The following MTMR12 variants were observed in gnomAD, a reference collection of about 807,000 sequenced individuals.
The protein encoded by MTMR12 is myotubularin related protein 12.
In MTMR12, 33 loss-of-function variants were observed where a neutral mutation model predicts 96.7. The observed-to-expected ratio is 0.34, with a 90% CI of 0.26 to 0.46. The LOEUF (loss-of-function observed/expected upper bound fraction) is 0.46, where lower values mean the gene tolerates loss of function less well. MTMR12 is among the 20% of genes least tolerant of loss of function. MTMR12 has a pLI of 1.00. For synonymous variants in MTMR12, 298 were observed against 327.2 expected, an observed-to-expected ratio of 0.91 and a Z score of 0.96; for missense variants, 721 against 896.1, an observed-to-expected ratio of 0.80 and a Z score of 2.49.
chr5:32,280,595 A>G (rs1473841107), intron 1 of MTMR12, among the ~76,000 whole-genome samples: 1 of 152,196 alleles, frequency 6.6e-6, no homozygotes, highest in African/African-American at 2.4e-5. Flanking sequence ...TATTTTTTAT[A>G]CAGCATAGTA....
At chr5:32,303,987 C>A (rs1277915589) in intron 1 of MTMR12, among the ~76,000 whole-genome samples, 1 of 151,936 alleles carries the variant, frequency 6.6e-6, no homozygotes, top group Non-Finnish European at 1.5e-5. Context: ...TATCTTCACA[C>A]ATGACAACCA....
intron 5 of MTMR12, 144 bp downstream of exon 5, chr5:32,270,673 A>C (rs1275212586): frequency 2.3e-5 from 20 of 873,726 alleles, no homozygotes; most frequent in Non-Finnish European, 3.5e-5. Flanking sequence ...TTCACGTTCT[A>C]ATCAAAGAAT....
chr5:32,299,781 C>A (rs539214182), intron 1 of MTMR12, among the ~76,000 whole-genome samples: 42 of 152,328 alleles, frequency 2.8e-4, no homozygotes, highest in African/African-American at 8.9e-4. Flanking sequence ...TCTCTCTCAC[C>A]ATCACACATG....
intron 5 of MTMR12, among the ~76,000 whole-genome samples, chr5:32,269,463 C>A (rs554636006): frequency 3.3e-5 from 5 of 151,956 alleles, no homozygotes; most frequent in Non-Finnish European, 4.4e-5. Flanking sequence ...GCCACCACGC[C>A]CGGCTAATTT....
intron 1 of MTMR12, among the ~76,000 whole-genome samples, chr5:32,293,729 C>T (rs2112136818): frequency 6.6e-6 from 1 of 152,296 alleles, no homozygotes; most frequent in Admixed American, 6.5e-5. Flanking sequence ...GGTGTTTCAA[C>T]AGTATAGGCT....
chr5:32,237,197 G>C (rs1056488630), intron 13 of MTMR12, among the ~76,000 whole-genome samples: 2 of 152,236 alleles, frequency 1.3e-5, no homozygotes, highest in African/African-American at 4.8e-5. Context: ...AAAACCACAA[G>C]TAACACTGCT....
At chr5:32,311,133 A>G (rs1751576844) in intron 1 of MTMR12, among the ~76,000 whole-genome samples, 1 of 152,200 alleles carries the variant, frequency 6.6e-6, no homozygotes, top group Non-Finnish European at 1.5e-5. Context: ...CTGGGATTAC[A>G]GGTGTCAGCC....
At chr5:32,295,787 T>A (rs911942599) in intron 1 of MTMR12, among the ~76,000 whole-genome samples, 2 of 152,154 alleles carry the variant, frequency 1.3e-5, no homozygotes, top group African/African-American at 4.8e-5. Context: ...ACTAAATAGA[T>A]GGTAAAGCCA....
At chr5:32,262,850 T>C (rs527273753) in intron 7 of MTMR12, among the ~76,000 whole-genome samples, 1 of 152,332 alleles carries the variant, frequency 6.6e-6, no homozygotes, top group Admixed American at 6.5e-5. Flanking sequence ...TATGATATGA[T>C]TCCATTTATA....
In MTMR12 at chr5:32,270,878, C is replaced by T. The variant is rs1420291900; in HGVS notation, c.428G>A (p.Cys143Tyr). Residue 143 changes from cysteine to tyrosine, a missense_variant, in exon 5 of 16, where the codon TGC (cysteine) becomes TAC (tyrosine). Physicochemically the swap from Cys to Tyr is radical, Grantham distance 194. Coordinates refer to ENST00000382142, the MANE Select transcript of MTMR12 (RefSeq NM_001040446.3). ...AAACTGGAACACTCGAAGGTCTTTG[C>T]AGTGGATGATGAGCTTCTCAGGGTA... is the stretch of plus-strand genomic sequence containing the variant. ...KKYPEKLIIH[C>Y]KDLRVFQFCL... 1 of 1,614,030 alleles carries T rather than the reference C, an allele frequency of 6.2e-7. No individual in the cohort carries two copies. Among genetic ancestry groups the T allele is most frequent in the Admixed American group, 1.7e-5 (1 of 59,998 alleles).
rs370035938 is a variant in MTMR12 at position 32,255,715 on chromosome 5, C to T, written c.767G>A (p.Arg256His). ...PTPLPEENVQ[R>H]FQGHGIPIWC... Reference sequence around the variant, plus strand: ...TACTGGTATGCCATGACCCTGAAAGCGCTGCACATTCTCTTCAGGAAGAGG... The same window carrying T: ...TACTGGTATGCCATGACCCTGAAAGTGCTGCACATTCTCTTCAGGAAGAGG... Residue 256 changes from arginine (R) to histidine (H), a missense_variant, in exon 8 of 16, where the codon CGC becomes CAC. Arg to His is a conservative substitution (Grantham distance 29). Transcript: ENST00000382142. 9.9e-5 allele frequency: 159 copies of T among 1,612,216 alleles called. No homozygotes were observed. The highest frequency in any genetic ancestry group is 4.0e-4 in the East Asian group (18 of 44,832).
chr5:32,256,519 G>A (rs1430863197), intron 7 of MTMR12, among the ~76,000 whole-genome samples: 1 of 152,206 alleles, frequency 6.6e-6, no homozygotes, highest in African/African-American at 2.4e-5. Flanking sequence ...TTGTTAAGTA[G>A]TAGGACATGG....
Position 32,227,788 on chromosome 5 carries a change from A to T in MTMR12, c.*1990T>A. The T allele has an allele frequency of 6.6e-6, 1 of 152,646 alleles. No individual in the cohort carries two copies. The highest frequency in any genetic ancestry group is 2.4e-5 in the African/African-American group (1 of 41,442). 9.5% of individuals were successfully genotyped at this position (152,646 alleles called of 1,614,324 possible). A position where few individuals can be genotyped will look rare whatever the true frequency, so the allele number is the denominator to read the frequency against. ...TTTTAAAATCCCTATTGCAAGCCTA[A>T]CACTGACCTCGCTAGTAACTCTTAA... On this transcript the variant is annotated 3_prime_UTR_variant, in exon 16 of 16. Coordinates refer to ENST00000382142, the MANE Select transcript of MTMR12 (RefSeq NM_001040446.3).
chr5:32,305,472 T>G (rs372112767), intron 1 of MTMR12, among the ~76,000 whole-genome samples: 1 of 152,246 alleles, frequency 6.6e-6, no homozygotes, highest in Non-Finnish European at 1.5e-5. Flanking sequence ...GCAGGAGGTC[T>G]GTTTAAGACA....
intron 15 of MTMR12, among the ~76,000 whole-genome samples, chr5:32,232,448 G>C (rs1748034028): frequency 6.6e-6 from 1 of 152,190 alleles, no homozygotes; most frequent in South Asian, 2.1e-4. Context: ...CCAAGGAAAA[G>C]AGATGATTAG....
intron 2 of MTMR12, among the ~76,000 whole-genome samples, chr5:32,276,426 G>A (rs907934891): frequency 7.2e-5 from 11 of 152,234 alleles, no homozygotes; most frequent in African/African-American, 2.7e-4. Context: ...GCTTGTGAAA[G>A]CAGTGAGAAC....
intron 1 of MTMR12, among the ~76,000 whole-genome samples, chr5:32,297,578 A>G (rs997119229): frequency 4.0e-5 from 6 of 148,596 alleles, no homozygotes; most frequent in Admixed American, 2.0e-4. Context: ...GAAGGAAGAG[A>G]GTATCTGCTC....
chr5:32,250,000 C>T (rs1243072608), intron 8 of MTMR12, among the ~76,000 whole-genome samples: 3 of 152,210 alleles, frequency 2.0e-5, no homozygotes, highest in South Asian at 4.1e-4. Flanking sequence ...TTTTATAATT[C>T]GGCTTCCCAG....
chr5:32,296,463 A>G (rs1356160696), intron 1 of MTMR12: 1 of 371,258 alleles, frequency 2.7e-6, no homozygotes, highest in Non-Finnish European at 5.6e-6. Context: ...TGGGCAACAG[A>G]GCAAGACCTT....
Sources: gnomAD v4.1 joint callset for allele counts (sites outside exome capture counted in the v4.1 genomes callset) on GRCh38, gnomAD v4.1.1 for gene constraint, MANE v1.5 for transcripts, NCBI Gene and HGNC (gene_info 2026-07-23, HGNC 2026-07-21) for gene names.